Variants in GRK3 observed in about 807,000 individuals in gnomAD.
GRK3 encodes G protein-coupled receptor kinase 3.
Under a neutral mutation model 95.7 loss-of-function variants are expected in GRK3, and 54 were observed. That is an observed-to-expected ratio of 0.56 (90% CI 0.45 to 0.71). The LOEUF (loss-of-function observed/expected upper bound fraction) is 0.71. Among genes scored for constraint, GRK3 ranks in the 30% least tolerant of loss-of-function variants. GRK3 has a pLI of 0.00. For synonymous variants in GRK3, 281 were observed against 290.8 expected, an observed-to-expected ratio of 0.97 and a Z score of 0.34; for missense variants, 649 against 851.2, an observed-to-expected ratio of 0.76 and a Z score of 2.96.
intron 3 of GRK3, among the ~76,000 whole-genome samples, chr22:25,654,684 A>C (rs1306615336): frequency 6.6e-6 from 1 of 152,238 alleles, no homozygotes; most frequent in Non-Finnish European, 1.5e-5. Context: ...CTTGTCAAAC[A>C]CAGAGAAATC....
At chr22:25,640,909 C>T (rs571464339) in intron 2 of GRK3, among the ~76,000 whole-genome samples, 13 of 152,266 alleles carry the variant, frequency 8.5e-5, no homozygotes, top group Admixed American at 6.5e-4. Flanking sequence ...GAAATTGCAG[C>T]GATGAAGTGA....
At chr22:25,667,865 G>A (rs577974942) in intron 6 of GRK3, 65 bp downstream of exon 6, 15 of 906,990 alleles carry the variant, frequency 1.7e-5, no homozygotes, top group Admixed American at 3.8e-5. Context: ...ATCTTATGCC[G>A]TAAATGCTGA....
chr22:25,607,045 C>T (rs2084454959), intron 2 of GRK3, among the ~76,000 whole-genome samples: 1 of 152,028 alleles, frequency 6.6e-6, no homozygotes, highest in East Asian at 1.9e-4. Context: ...GAAAAGTAGA[C>T]TAGAATAATT....
At chr22:25,670,833 C>CACAAG (rs2084975119) in intron 6 of GRK3, among the ~76,000 whole-genome samples, 3 of 140,904 alleles carry the variant, frequency 2.1e-5, no homozygotes, top group African/African-American at 5.5e-5. Flanking sequence ...GCGGGCGGAT[C>CACAAG]GAGACCATCC....
intron 2 of GRK3, among the ~76,000 whole-genome samples, chr22:25,607,800 C>CAAACTCCTGGT (rs2084463762): frequency 6.7e-6 from 1 of 150,314 alleles, no homozygotes; most frequent in Non-Finnish European, 1.5e-5. Context: ...AGGCTGGTCT[C>CAAACTCCTGGT]AAACTCCTGG....
intron 1 of GRK3, among the ~76,000 whole-genome samples, chr22:25,590,512 C>G (rs1242014336): frequency 6.6e-6 from 1 of 152,100 alleles, no homozygotes; most frequent in African/African-American, 2.4e-5. Flanking sequence ...TTACTGCATC[C>G]TAATGGTGCA....
intron 2 of GRK3, among the ~76,000 whole-genome samples, chr22:25,628,725 C>T (rs755005276): frequency 2.1e-4 from 32 of 152,192 alleles, no homozygotes; most frequent in Non-Finnish European, 4.4e-4. Context: ...TGTTCTTTCT[C>T]ATTTGGTAAC....
At chr22:25,693,627 G>A (rs1408044643) in intron 12 of GRK3, among the ~76,000 whole-genome samples, 2 of 152,004 alleles carry the variant, frequency 1.3e-5, no homozygotes, top group African/African-American at 2.4e-5. Flanking sequence ...ATGGACCAAC[G>A]CCCATTTTCA....
intron 3 of GRK3, among the ~76,000 whole-genome samples, chr22:25,645,712 G>A (rs1448424671): frequency 6.6e-6 from 1 of 152,128 alleles, no homozygotes; most frequent in Non-Finnish European, 1.5e-5. Flanking sequence ...CACGAGGTCA[G>A]GAGATCGAGA....
At chr22:25,678,063 G>A (rs997264469) in intron 8 of GRK3, among the ~76,000 whole-genome samples, 13 of 152,116 alleles carry the variant, frequency 8.5e-5, no homozygotes, top group Non-Finnish European at 1.9e-4. Context: ...CAATAAAATA[G>A]CATTTTAGGA....
intron 1 of GRK3, among the ~76,000 whole-genome samples, chr22:25,569,706 C>A (rs1601441092): frequency 6.6e-6 from 1 of 152,190 alleles, no homozygotes. Context: ...GACGCCTGGC[C>A]TCCCTAGGGT....
In GRK3 at chr22:25,718,266, G is replaced by T; in HGVS notation, c.1676G>T (p.Cys559Phe). 6.2e-7 allele frequency: 1 copy of T among 1,614,160 alleles called. No homozygotes were observed. The highest frequency in any genetic ancestry group is 1.1e-5 in the South Asian group (1 of 91,078). Residue 559 changes from cysteine (C) to phenylalanine (F), a missense_variant, in exon 19 of 21, where the codon TGT (cysteine) becomes TTT (phenylalanine). Around this residue, in one of 3 missense-constraint regions of GRK3, gnomAD observed 382 missense variants for 493.8 expected, o/e 0.77. Transcript: ENST00000324198. ...TCAGATTACGCTCTGGGGAAGGACTGTATTATGCACGGGTACATGCTGAAA... is the reference window on the plus strand; with the variant it reads ...TCAGATTACGCTCTGGGGAAGGACTTTATTATGCACGGGTACATGCTGAAA... ...HEEDYALGKD[C>F]IMHGYMLKLG...
intron 13 of GRK3, among the ~76,000 whole-genome samples, chr22:25,697,613 G>A (rs1051500697): frequency 5.3e-5 from 8 of 152,220 alleles, no homozygotes; most frequent in African/African-American, 1.9e-4. Context: ...CGCATGGTTG[G>A]CTCCAGCTGC....
At chr22:25,645,465 C>T (rs1478824784) in intron 3 of GRK3, among the ~76,000 whole-genome samples, 1 of 152,208 alleles carries the variant, frequency 6.6e-6, no homozygotes, top group Non-Finnish European at 1.5e-5. Flanking sequence ...AGGAGCCCCA[C>T]ATATGTGATT....
intron 3 of GRK3, among the ~76,000 whole-genome samples, chr22:25,653,846 G>A (rs894713132): frequency 2.0e-5 from 3 of 152,040 alleles, no homozygotes; most frequent in African/African-American, 4.8e-5. Context: ...CCGCCACCAC[G>A]CTCAGCTAAT....
chr22:25,695,627 T>C (rs991811101), intron 13 of GRK3, among the ~76,000 whole-genome samples: 3 of 152,168 alleles, frequency 2.0e-5, no homozygotes, highest in Admixed American at 2.0e-4. Flanking sequence ...AAAAAAAGGA[T>C]GAAAACCCAA....
chr22:25,720,391 T>C (rs926606080), intron 19 of GRK3, among the ~76,000 whole-genome samples: 5 of 151,930 alleles, frequency 3.3e-5, no homozygotes, highest in Admixed American at 2.6e-4. Context: ...CTGAAGTATT[T>C]ATTTAAAACA....
intron 13 of GRK3, among the ~76,000 whole-genome samples, chr22:25,698,252 GGAAGGAAGGAAGGGAGAGAAA>G (rs1418602719): frequency 6.6e-6 from 1 of 151,408 alleles, no homozygotes; most frequent in Non-Finnish European, 1.5e-5. Flanking sequence ...GGGAGAAAAG[GGAAGGAAGGAAGGGAGAGAAA>G]GAAGGAAGGA....
At chr22:25,675,266 G>T (rs1279864491) in intron 8 of GRK3, among the ~76,000 whole-genome samples, 1 of 152,146 alleles carries the variant, frequency 6.6e-6, no homozygotes. Context: ...TCAGATGCTG[G>T]TTCGCTAGAT....
Sources: gnomAD v4.1 joint callset for allele counts (sites outside exome capture counted in the v4.1 genomes callset) on GRCh38, gnomAD v4.1.1 for gene constraint, gnomAD v4.1.1 regional missense constraint, MANE v1.5 for transcripts, NCBI Gene and HGNC (gene_info 2026-07-23, HGNC 2026-07-21) for gene names.